Variants in CMTM4 observed in about 807,000 individuals in gnomAD.
CMTM4 encodes CKLF-like MARVEL transmembrane domain-containing protein 4.
Under a neutral mutation model 19.0 loss-of-function variants are expected in CMTM4, and 8 were observed. That is an observed-to-expected ratio of 0.42 (90% CI 0.25 to 0.76). CMTM4 has a LOEUF of 0.76. CMTM4 is among the 30% of genes least tolerant of loss of function. The pLI, the probability that CMTM4 is intolerant of heterozygous loss-of-function variation, is 0.27. For synonymous variants in CMTM4, 106 were observed against 121.1 expected, an observed-to-expected ratio of 0.88 and a Z score of 0.82; for missense variants, 228 against 290.2, an observed-to-expected ratio of 0.79 and a Z score of 1.56.
At chr16:66,614,478 A>G (rs1266817402), downstream of CMTM4, among the ~76,000 whole-genome samples, 1 of 152,222 alleles carries the variant, frequency 6.6e-6, no homozygotes, top group Non-Finnish European at 1.5e-5. This position sits in a 1 kb window ranked among gnomAD's most constrained non-coding sequence, Gnocchi z 4.9. Flanking sequence ...CTGATGGGAA[A>G]AGACAAGACA....
chr16:66,674,431 G>A (rs1011363000), intron 1 of CMTM4, among the ~76,000 whole-genome samples: 8 of 152,100 alleles, frequency 5.3e-5, no homozygotes, highest in African/African-American at 1.4e-4. Flanking sequence ...AAGGCCCCTC[G>A]GTGCACACAC....
chr16:66,681,984 T>A (rs1415141362), intron 1 of CMTM4, among the ~76,000 whole-genome samples: 1 of 152,150 alleles, frequency 6.6e-6, no homozygotes. Context: ...TGGCCACAAG[T>A]GCTTCCTGCC....
chr16:66,686,141 T>C (rs187981151), intron 1 of CMTM4, among the ~76,000 whole-genome samples: 65 of 152,050 alleles, frequency 4.3e-4, no homozygotes, highest in African/African-American at 1.5e-3. Context: ...TAGTCCCAGC[T>C]ACTCGGGGAG....
chr16:66,684,977 T>C (rs938068775), intron 1 of CMTM4, among the ~76,000 whole-genome samples: 1 of 152,210 alleles, frequency 6.6e-6, no homozygotes, highest in Non-Finnish European at 1.5e-5. Flanking sequence ...CATCTCACCC[T>C]GCATGTTACT....
chr16:66,642,689 C>G (rs2016116958), intron 1 of CMTM4, among the ~76,000 whole-genome samples: 2 of 152,148 alleles, frequency 1.3e-5, no homozygotes, highest in Admixed American at 6.5e-5. Flanking sequence ...GCACTCCAGC[C>G]TGGGTGACGA....
At chr16:66,653,482 A>G (rs975025915) in intron 1 of CMTM4, among the ~76,000 whole-genome samples, 2 of 151,742 alleles carry the variant, frequency 1.3e-5, no homozygotes, top group African/African-American at 2.4e-5. Context: ...CAAACCTATG[A>G]CCCCCAGGGC....
chr16:66,619,504 A>T lies in CMTM4; in HGVS notation c.*2554T>A. ...CCAAACTGATATTGGTCCCTATTGA[A>T]ACTATTAAACGCAAAAACGCTTCCT... On this transcript the variant is annotated 3_prime_UTR_variant, in exon 4 of 4. Coordinates refer to ENST00000394106, the MANE Select transcript of CMTM4 (RefSeq NM_181521.3). 3.0e-6 allele frequency: 3 copies of T among 985,424 alleles called. No individual in the cohort carries two copies. The highest frequency in any genetic ancestry group is 3.6e-6 in the Non-Finnish European group (3 of 829,936). The allele number at this position is 985,424 out of a possible 1,614,324, so 61.0% of individuals were successfully genotyped here. A position where few individuals can be genotyped will look rare whatever the true frequency, so the allele number is the denominator to read the frequency against.
chr16:66,605,004 C>T, the CMTM4 span: 3 of 1,381,650 alleles, frequency 2.2e-6, no homozygotes, highest in Non-Finnish European at 1.9e-6. The surrounding 1 kb of genome is among the most constrained non-coding windows in gnomAD (Gnocchi z 4.6). Context: ...CGGCTCCTTT[C>T]GGAGGAGGAC....
the CMTM4 span, among the ~76,000 whole-genome samples, chr16:66,598,527 C>T: frequency 6.6e-6 from 1 of 152,160 alleles, no homozygotes; most frequent in Non-Finnish European, 1.5e-5. Flanking sequence ...GTAACCACCA[C>T]CCCAATCAAA....
chr16:66,630,529 G>A (rs1178259836), intron 2 of CMTM4, among the ~76,000 whole-genome samples: 13 of 151,848 alleles, frequency 8.6e-5, no homozygotes, highest in African/African-American at 2.9e-4. Context: ...TGGTGGAGAC[G>A]GGGTTTTGCT....
At chr16:66,645,965 C>T (rs550827510) in intron 1 of CMTM4, among the ~76,000 whole-genome samples, 26 of 152,030 alleles carry the variant, frequency 1.7e-4, no homozygotes, top group Non-Finnish European at 3.1e-4. Flanking sequence ...GGCGACAGAG[C>T]GAGACTCTGT....
At chr16:66,628,086 A>G (rs1272437412) in intron 2 of CMTM4, among the ~76,000 whole-genome samples, 1 of 152,278 alleles carries the variant, frequency 6.6e-6, no homozygotes, top group Non-Finnish European at 1.5e-5. Flanking sequence ...CTGCCCAAAC[A>G]TCTCAGTGGA....
chr16:66,609,898 G>A, downstream of CMTM4: 3 of 1,614,144 alleles, frequency 1.9e-6, no homozygotes, highest in African/African-American at 1.3e-5. This position sits in a 1 kb window ranked among gnomAD's most constrained non-coding sequence, Gnocchi z 4.4. Flanking sequence ...TGGCTTCTTT[G>A]CTACCATCGT....
chr16:66,599,366 T>C, the CMTM4 span, among the ~76,000 whole-genome samples: 1 of 151,516 alleles, frequency 6.6e-6, no homozygotes, highest in Non-Finnish European at 1.5e-5. Flanking sequence ...AATTAAAATA[T>C]AAAAATTTTT....
intron 1 of CMTM4, among the ~76,000 whole-genome samples, chr16:66,666,984 G>A (rs902388270): frequency 2.0e-5 from 3 of 152,184 alleles, no homozygotes; most frequent in Non-Finnish European, 2.9e-5. Context: ...CTACCTGGGT[G>A]CAATATACCC....
chr16:66,646,935 G>C (rs140072898), intron 1 of CMTM4, among the ~76,000 whole-genome samples: 121 of 151,996 alleles, frequency 8.0e-4, no homozygotes, highest in African/African-American at 2.6e-3. Flanking sequence ...TCGAACTCCT[G>C]ACCTCAGGTG....
At chr16:66,629,918 T>C (rs1230616088) in intron 2 of CMTM4, among the ~76,000 whole-genome samples, 1 of 152,200 alleles carries the variant, frequency 6.6e-6, no homozygotes, top group East Asian at 1.9e-4. Context: ...GACCTCACCC[T>C]ATGCATCTCT....
At chr16:66,656,530 A>AT (rs2016400326) in intron 1 of CMTM4, among the ~76,000 whole-genome samples, 1 of 151,900 alleles carries the variant, frequency 6.6e-6, no homozygotes, top group South Asian at 2.1e-4. Flanking sequence ...AACCCAGCTA[A>AT]TTTTTTAATT....
At chr16:66,683,751 G>A (rs1006175211) in intron 1 of CMTM4, among the ~76,000 whole-genome samples, 2 of 151,690 alleles carry the variant, frequency 1.3e-5, no homozygotes, top group African/African-American at 4.8e-5. Context: ...GAATCAAGCA[G>A]GGTGACAGGG....
Sources: allele counts gnomAD v4.1 joint callset (sites outside exome capture counted in the v4.1 genomes callset), GRCh38; gene constraint gnomAD v4.1.1; non-coding constraint Gnocchi (gnomAD v3.1); transcripts MANE v1.5; gene names NCBI Gene and HGNC (gene_info 2026-07-23, HGNC 2026-07-21).